Variants in COL27A1 observed in about 807,000 individuals in gnomAD.
COL27A1 encodes collagen alpha-1(XXVII) chain.
In COL27A1, 106 loss-of-function variants were observed where a neutral mutation model predicts 251.3. The ratio of observed to expected loss-of-function variants is 0.42; its 90% confidence interval spans 0.36 to 0.50. The LOEUF (loss-of-function observed/expected upper bound fraction) is 0.50, where lower values mean the gene tolerates loss of function less well. COL27A1 is among the 20% of genes least tolerant of loss of function. The pLI, the probability that COL27A1 is intolerant of heterozygous loss-of-function variation, is 0.00. For synonymous variants in COL27A1, 1,000 were observed against 986.3 expected (o/e 1.01, Z -0.26); for missense variants, 2,325 against 2,522.8 (o/e 0.92, Z 1.68).
intron 52 of COL27A1, 33 bp downstream of exon 52, chr9:114,301,158 G>T (rs779876232): frequency 1.2e-6 from 2 of 1,613,364 alleles, no homozygotes; most frequent in Non-Finnish European, 1.7e-6. Context: ...AAGACTCCGG[G>T]GTCCCCTTGC....
chr9:114,163,573 C>T (rs1029671005), intron 2 of COL27A1, among the ~76,000 whole-genome samples: 1 of 152,160 alleles, frequency 6.6e-6, no homozygotes, highest in East Asian at 1.9e-4. Context: ...GAAACCTCTC[C>T]CACATCTGTT....
chr9:114,271,947 A>G (rs72762658), intron 36 of COL27A1: 24,133 of 150,912 alleles, frequency 0.16, 2,092 homozygotes, highest in African/African-American at 0.18. Flanking sequence ...GAGCGAGAGC[A>G]CCCCCTGTCT....
At chr9:114,296,856 T>C (rs1199168904) in intron 49 of COL27A1, among the ~76,000 whole-genome samples, 1 of 152,198 alleles carries the variant, frequency 6.6e-6, no homozygotes, top group Non-Finnish European at 1.5e-5. Flanking sequence ...TGCAATGAAA[T>C]ACAATTCATC....
chr9:114,246,378 T>C (rs1177089807), intron 24 of COL27A1, among the ~76,000 whole-genome samples: 1 of 152,156 alleles, frequency 6.6e-6, no homozygotes. Context: ...GTTGAGAAGC[T>C]GGGTCAAGGT....
intron 41 of COL27A1, 52 bp downstream of exon 41, chr9:114,284,829 G>C: frequency 1.3e-6 from 2 of 1,589,288 alleles, no homozygotes; most frequent in Non-Finnish European, 1.7e-6. Flanking sequence ...TGAGGCTGAG[G>C]TCAGCTTCAG....
At chr9:114,189,774 A>G (rs1828621655) in intron 5 of COL27A1, among the ~76,000 whole-genome samples, 3 of 152,116 alleles carry the variant, frequency 2.0e-5, no homozygotes, top group Non-Finnish European at 2.9e-5. Flanking sequence ...TCTCCCCATT[A>G]TATTTTCTAG....
intron 13 of COL27A1, 151 bp downstream of exon 13, chr9:114,219,995 G>A (rs979106302): frequency 1.5e-5 from 10 of 646,098 alleles, no homozygotes; most frequent in East Asian, 2.7e-5. Flanking sequence ...ATTACATGAC[G>A]TCTCTAAACG....
chr9:114,264,340 T>G lies in COL27A1; in HGVS notation c.3196-15T>G, dbSNP rs1289937968. 1.3e-6 allele frequency: 2 copies of G among 1,575,960 alleles called. No homozygotes were observed. The highest frequency in any genetic ancestry group is 1.7e-6 in the Non-Finnish European group (2 of 1,159,066). ...CCCTGCTGTCCGGTGTGCTAGTCCC[T>G]TTTTCCTATTCCAGGGCCCCCGAGG... On this transcript the variant is annotated splice_polypyrimidine_tract_variant and intron_variant, in intron 28 of 60. Transcript: ENST00000356083.
At chr9:114,159,691 A>T (rs1480667156) in intron 1 of COL27A1, among the ~76,000 whole-genome samples, 1 of 152,192 alleles carries the variant, frequency 6.6e-6, no homozygotes, top group Non-Finnish European at 1.5e-5. Flanking sequence ...CAAGACTGGG[A>T]TGCAGGGTAC....
In COL27A1 at chr9:114,300,632, C is replaced by A; in HGVS notation, c.4646C>A (p.Pro1549His). ...MAGLFGPKGP[P>H]GDIGFKGIQG... The stretch of plus-strand genomic sequence containing the variant: ...TTTCTCTGCCTCCCACAGGGCCCGC[C>A]TGGAGACATTGGCTTCAAAGGCATC... Residue 1549 changes from proline (P) to histidine (H), a missense_variant, in exon 51 of 61, where the codon CCT becomes CAT. By Grantham distance (77) the Pro-to-His change is moderately conservative. Around this residue, in one of 4 missense-constraint regions of COL27A1, gnomAD observed 327 missense variants for 442.8 expected, o/e 0.74. Transcript: ENST00000356083. The A allele has an allele frequency of 6.5e-7, 1 of 1,535,494 alleles. No homozygotes were observed.
intron 4 of COL27A1, among the ~76,000 whole-genome samples, chr9:114,181,186 G>A (rs1246941415): frequency 6.6e-6 from 1 of 152,174 alleles, no homozygotes; most frequent in Admixed American, 6.5e-5. Context: ...ATTATGAGGT[G>A]GGGCTCAGAA....
At position 114,222,153 on chromosome 9, in the gene COL27A1, G is replaced by A. The variant is rs1283729786; in HGVS notation, c.2422-70G>A. Reference sequence around the variant, plus strand: ...GACCCCACCAGGTGCCTGTGTGGAGGATGACATGGAGGGAGGGGCCCTGGA... The same window carrying A: ...GACCCCACCAGGTGCCTGTGTGGAGAATGACATGGAGGGAGGGGCCCTGGA... On this transcript the variant is annotated intron_variant, in intron 13 of 60. Coordinates refer to ENST00000356083, the MANE Select transcript of COL27A1 (RefSeq NM_032888.4). The A allele has an allele frequency of 4.3e-6, 6 of 1,382,748 alleles. No individual in the cohort carries two copies. The Admixed American group carries it at 8.4e-5, about 19-fold the overall frequency. 85.7% of individuals were successfully genotyped at this position (1,382,748 alleles called of 1,614,324 possible). A position where few individuals can be genotyped will look rare whatever the true frequency, so the allele number is the denominator to read the frequency against.
intron 37 of COL27A1, among the ~76,000 whole-genome samples, chr9:114,281,923 T>G (rs1224717707): frequency 6.6e-6 from 1 of 151,780 alleles, no homozygotes; most frequent in Non-Finnish European, 1.5e-5. Context: ...GTGCAGAGAG[T>G]TGCTCCCTGT....
chr9:114,300,869 C>T (rs558711220), intron 51 of COL27A1, among the ~76,000 whole-genome samples, 182 bp downstream of exon 51: 1 of 152,226 alleles, frequency 6.6e-6, no homozygotes, highest in Non-Finnish European at 1.5e-5. Context: ...TCCTTCCCCG[C>T]TTTCACTCTT....
At chr9:114,208,401 A>T (rs1439469135) in intron 10 of COL27A1, among the ~76,000 whole-genome samples, 1 of 152,134 alleles carries the variant, frequency 6.6e-6, no homozygotes, top group Non-Finnish European at 1.5e-5. Context: ...GTAAGCCACG[A>T]TCGCACCACT....
intron 48 of COL27A1, among the ~76,000 whole-genome samples, chr9:114,291,735 C>T (rs1393641675): frequency 3.3e-5 from 5 of 151,970 alleles, no homozygotes; most frequent in East Asian, 1.9e-4. Context: ...GGCGGCAGAG[C>T]GAGACTCTGT....
chr9:114,285,127 C>A (rs141429521), intron 41 of COL27A1, among the ~76,000 whole-genome samples: 1 of 152,358 alleles, frequency 6.6e-6, no homozygotes, highest in East Asian at 1.9e-4. Context: ...GAATTGAAGT[C>A]TTGCCCATGA....
intron 4 of COL27A1, among the ~76,000 whole-genome samples, chr9:114,178,825 G>A (rs1329504229): frequency 6.6e-6 from 1 of 152,126 alleles, no homozygotes; most frequent in Non-Finnish European, 1.5e-5. Flanking sequence ...GGCTGCGGTG[G>A]CTGACTGAGC....
rs369659292 is a variant in COL27A1 at position 114,169,021 on chromosome 9, C to T, written c.1466C>T (p.Ser489Leu). The T allele has an allele frequency of 5.0e-6, 8 of 1,613,990 alleles. No homozygotes were observed. Among genetic ancestry groups the T allele is most frequent in the African/African-American group, 1.3e-5 (1 of 74,898 alleles). ...HKPPPFTALS[S>L]SPAPTPGSTR... is the part of the protein sequence containing the mutation. ...CCTCCCCCATTTACTGCTTTATCCT[C>T]ATCTCCTGCCCCTACTCCTGGTTCT... The change falls in exon 3 of 61, where the codon TCA becomes TTA. Residue 489 changes from serine to leucine, a missense_variant. Ser to Leu is a moderately radical substitution (Grantham distance 145, BLOSUM62 -2). Around this residue, in one of 4 missense-constraint regions of COL27A1, gnomAD observed 1,183 missense variants for 1,144.1 expected, o/e 1.03. Transcript: ENST00000356083.
Sources: gnomAD v4.1 joint callset for allele counts (sites outside exome capture counted in the v4.1 genomes callset) on GRCh38, gnomAD v4.1.1 for gene constraint, gnomAD v4.1.1 regional missense constraint, MANE v1.5 for transcripts, NCBI Gene and HGNC (gene_info 2026-07-23, HGNC 2026-07-21) for gene names.